The following RPGRIP1L variants were observed in gnomAD, a reference collection of about 807,000 sequenced individuals.
The protein encoded by RPGRIP1L is protein fantom.
Under a neutral mutation model 160.4 loss-of-function variants are expected in RPGRIP1L, and 131 were observed. That is an observed-to-expected ratio of 0.82 (90% CI 0.71 to 0.94). The LOEUF (loss-of-function observed/expected upper bound fraction) is 0.94. RPGRIP1L is among the 40% of genes least tolerant of loss of function. The pLI is 0.00. For synonymous variants in RPGRIP1L, 510 were observed against 515.8 expected (o/e 0.99, Z 0.15); for missense variants, 1,522 against 1,535.8 (o/e 0.99, Z 0.15).
At chr16:53,695,881 AC>A in intron 3 of RPGRIP1L, 1 of 359,536 alleles carries the variant, frequency 2.8e-6, no homozygotes, top group Non-Finnish European at 5.1e-6. Context: ...TAAATATTAA[AC>A]CAAAAGTTAT....
chr16:53,626,418 C>G (rs1965181919), intron 22 of RPGRIP1L, among the ~76,000 whole-genome samples: 1 of 152,092 alleles, frequency 6.6e-6, no homozygotes, highest in Non-Finnish European at 1.5e-5. Flanking sequence ...TTTTTGTTAC[C>G]AGGTAAGATG....
chr16:53,644,631 C>T (rs1824909179), intron 17 of RPGRIP1L, among the ~76,000 whole-genome samples: 3 of 152,266 alleles, frequency 2.0e-5, no homozygotes, highest in African/African-American at 7.2e-5. Context: ...GATTTCTTAT[C>T]TGAAACAATG....
intron 25 of RPGRIP1L, among the ~76,000 whole-genome samples, chr16:53,609,669 G>T (rs8045667): frequency 0.38 from 58,123 of 151,832 alleles, 12,914 homozygotes; most frequent in African/African-American, 0.6. Context: ...TTGCTGACTG[G>T]AGGGAAGCAG....
rs527412303 is a variant in RPGRIP1L at position 53,660,995 on chromosome 16, C to T, written c.1244-2117G>A. On this transcript the variant is annotated intron_variant, in intron 10 of 26. Transcript: ENST00000647211. ...GTATAAATTGCTTATATCTAGTTTA[C>T]TAAAGAAAAGAATATCCAGGCCGGG... is the stretch of plus-strand genomic sequence containing the variant. Among the ~76,000 whole-genome samples the T allele has an allele frequency of 8.5e-4, 127 of 150,232 alleles. 1 individual carries two copies. The South Asian group carries it at 0.026, about 30-fold the overall frequency.
chr16:53,602,602 C>G (rs1422383491), intron 26 of RPGRIP1L, among the ~76,000 whole-genome samples: 2 of 151,856 alleles, frequency 1.3e-5, no homozygotes, highest in African/African-American at 4.8e-5. Context: ...ATGGAGAAAC[C>G]CTGTCTCTAC....
rs1968868729 is a variant in RPGRIP1L at position 53,672,969 on chromosome 16, C to T, written c.930G>A (p.Gly310=). 2 of 1,613,160 alleles carry T rather than the reference C, an allele frequency of 1.2e-6. No individual in the cohort carries two copies. The change falls in exon 8 of 27, where the codon GGG becomes GGA. Residue 310 remains glycine (G), a synonymous_variant. Coordinates refer to ENST00000647211, the MANE Select transcript of RPGRIP1L (RefSeq NM_015272.5). ...CTTTAAGTTGCATGTTTAATTCATC[C>T]CCATTTGCCATCAAAGCATCGTGGC... ...RISHDALMAN[G]DELNMQLKEQ...
rs1239394391 is a variant in RPGRIP1L, at chr16:53,703,838, T to C, written c.-43A>G. 1.5e-5 allele frequency: 7 copies of C among 464,690 alleles called. No individual in the cohort carries two copies. Among genetic ancestry groups the C allele is most frequent in the African/African-American group, 3.9e-5 (2 of 50,780 alleles). 28.8% of individuals were successfully genotyped at this position (464,690 alleles called of 1,614,324 possible). Reference sequence around the variant, plus strand: ...GCCCTGCAGCTAGCTACCGTTGCTATAGCGCCGACAGCGTGGCGGGCGGCT... The same window carrying C: ...GCCCTGCAGCTAGCTACCGTTGCTACAGCGCCGACAGCGTGGCGGGCGGCT... On this transcript the variant is annotated 5_prime_UTR_variant, in exon 1 of 27. Transcript: ENST00000647211.
At chr16:53,665,078 AG>A in intron 9 of RPGRIP1L, 69 bp from the exon 10 acceptor site, 1 of 1,583,334 alleles carries the variant, frequency 6.3e-7, no homozygotes, top group Non-Finnish European at 8.6e-7. Flanking sequence ...TAAAGAGAAA[AG>A]CTTTTAGTGG....
chr16:53,695,081 C>G (rs1970652034), intron 3 of RPGRIP1L: 1 of 455,160 alleles, frequency 2.2e-6, no homozygotes, highest in African/African-American at 2.0e-5. Flanking sequence ...GCTCATTATT[C>G]AGTTGTTTTT....
rs752815435 is a variant in RPGRIP1L at position 53,686,504 on chromosome 16, C to G, written c.705G>C (p.Gln235His). 1.9e-6 allele frequency: 3 copies of G among 1,613,558 alleles called. No individual in the cohort carries two copies. The East Asian group carries it at 6.7e-5, about 36-fold the overall frequency. Residue 235 changes from glutamine (Q) to histidine (H), a missense_variant, in exon 6 of 27, where the codon CAG becomes CAC. Physicochemically the swap from Gln to His is conservative, Grantham distance 24. Coordinates refer to ENST00000647211, the MANE Select transcript of RPGRIP1L (RefSeq NM_015272.5). ...CAATTTCATTTTCTTTTCTCCTCAA[C>G]TGAGTTTTCAGGATCTCAGCCAAGT... ...LEHLAEILKT[Q>H]LRRKENEIEL... is the part of the protein sequence containing the mutation.
chr16:53,622,361 C>T lies in RPGRIP1L; in HGVS notation c.3295-5G>A. 1 of 557,866 alleles carries T rather than the reference C, an allele frequency of 1.8e-6. No homozygotes were observed. The highest frequency in any genetic ancestry group is 2.4e-5 in the South Asian group (1 of 41,820). 34.6% of individuals were successfully genotyped at this position (557,866 alleles called of 1,614,324 possible). A position where few individuals can be genotyped will look rare whatever the true frequency, so the allele number is the denominator to read the frequency against. On this transcript the variant is annotated splice_region_variant and splice_polypyrimidine_tract_variant and intron_variant, in intron 22 of 26. Transcript: ENST00000647211. ...CCCGGGAGACAATGCGAGACTCTGT[C>T]TCAAAAAAAAAAAAAAAATCTTAAG...
At chr16:53,602,863 C>A (rs907018792) in intron 26 of RPGRIP1L, among the ~76,000 whole-genome samples, 6 of 152,078 alleles carry the variant, frequency 3.9e-5, no homozygotes, top group African/African-American at 1.2e-4. Flanking sequence ...GAATGGCAAA[C>A]CACTGTACAG....
At chr16:53,657,377 A>G in intron 13 of RPGRIP1L, 76 bp downstream of exon 13, 2 of 984,380 alleles carry the variant, frequency 2.0e-6, no homozygotes, top group Non-Finnish European at 1.6e-6. Flanking sequence ...AACAGGTGAT[A>G]ACATACAGTA....
intron 10 of RPGRIP1L, among the ~76,000 whole-genome samples, chr16:53,661,393 TAATA>T (rs1967783683): frequency 6.6e-6 from 1 of 152,102 alleles, no homozygotes; most frequent in Non-Finnish European, 1.5e-5. Flanking sequence ...TTCAGATGAA[TAATA>T]AATATGGATT....
At chr16:53,609,426 C>CA (rs1404503910) in intron 25 of RPGRIP1L, among the ~76,000 whole-genome samples, 10 of 152,060 alleles carry the variant, frequency 6.6e-5, no homozygotes, top group Admixed American at 5.2e-4. Flanking sequence ...TATTCTGGTA[C>CA]AAATAAGTGG....
At chr16:53,657,294 AC>A in intron 13 of RPGRIP1L, among the ~76,000 whole-genome samples, 158 bp downstream of exon 13, 1 of 152,222 alleles carries the variant, frequency 6.6e-6, no homozygotes, top group East Asian at 1.9e-4. Flanking sequence ...ATTTATTCTA[AC>A]TAAGTACCTA....
In RPGRIP1L at chr16:53,619,083, T is replaced by G. The variant is rs1416339041; in HGVS notation, c.3558A>C (p.Thr1186=). Residue 1186 remains threonine, a synonymous_variant, in exon 24 of 27, where the codon ACA becomes ACC. Coordinates refer to ENST00000647211, the MANE Select transcript of RPGRIP1L (RefSeq NM_015272.5). ...TCTTGGGTTTTGGAAGTGACACGGG[T>G]GTCTCTTCAGCAGGAAGACTGTAGA... ...CRFYSLPAEE[T]PVSLPKPKSG... 6.2e-7 allele frequency: 1 copy of G among 1,614,100 alleles called. No homozygotes were observed. The highest frequency in any genetic ancestry group is 8.5e-7 in the Non-Finnish European group (1 of 1,180,000).
At chr16:53,674,919 A>T (rs952309669) in intron 7 of RPGRIP1L, 98 bp downstream of exon 7, 23 of 736,608 alleles carry the variant, frequency 3.1e-5, no homozygotes, top group Non-Finnish European at 4.5e-5. Flanking sequence ...ATTATGTTCT[A>T]GTGTTATGAT....
At chr16:53,628,793 G>A (rs1253424458) in intron 22 of RPGRIP1L, 3 of 151,952 alleles carry the variant, frequency 2.0e-5, no homozygotes, top group Admixed American at 2.0e-4. Context: ...TTCAGTGATG[G>A]GGATCAAAAC....
Sources: allele counts gnomAD v4.1 joint callset (sites outside exome capture counted in the v4.1 genomes callset), GRCh38; gene constraint gnomAD v4.1.1; transcripts MANE v1.5; gene names NCBI Gene and HGNC (gene_info 2026-07-23, HGNC 2026-07-21).